Variants in ENOX1 observed in about 807,000 individuals in gnomAD.
ENOX1 encodes the protein candidate growth-related and time keeping constitutive hydroquinone (NADH) oxidase.
Under a neutral mutation model 82.5 loss-of-function variants are expected in ENOX1, and 42 were observed. The ratio of observed to expected loss-of-function variants is 0.51; its 90% CI spans 0.40 to 0.66. ENOX1 has a LOEUF of 0.66. Ranked by LOEUF, ENOX1 falls within the 30% of genes least tolerant of loss-of-function variation. The pLI is 0.00. For synonymous variants in ENOX1, 271 were observed against 282.2 expected (o/e 0.96, Z 0.40); for missense variants, 608 against 811.6 (o/e 0.75, Z 3.05).
intron 2 of ENOX1, among the ~76,000 whole-genome samples, chr13:43,550,721 C>A (rs1234642591): frequency 6.6e-6 from 1 of 152,152 alleles, no homozygotes; most frequent in Non-Finnish European, 1.5e-5. Context: ...TGATAATGTG[C>A]TCAAAAACTA....
chr13:43,228,646 T>C (rs1051574670), intron 15 of ENOX1, among the ~76,000 whole-genome samples: 2 of 152,182 alleles, frequency 1.3e-5, no homozygotes, highest in African/African-American at 4.8e-5. Flanking sequence ...GGATGCAGTA[T>C]TTAAATTAAC....
rs2054154150 is a variant in ENOX1, at chr13:43,411,942, C to T, written c.182G>A (p.Gly61Glu). The T allele has an allele frequency of 1.9e-6, 3 of 1,614,026 alleles. No homozygotes were observed. Among genetic ancestry groups the T allele is most frequent in the African/African-American group, 1.3e-5 (1 of 74,916 alleles). ...AMNNLGMVPV[G>E]LPGQQLVSDS... ...AGACACGAGCTGCTGTCCAGGCAACCCTACGGGAACCATGCCCAGGTTATT... is the reference window on the plus strand; with the variant it reads ...AGACACGAGCTGCTGTCCAGGCAACTCTACGGGAACCATGCCCAGGTTATT... The change falls in exon 5 of 17, where the codon GGG becomes GAG. Residue 61 changes from glycine to glutamate, a missense_variant. By Grantham distance (98) the Gly-to-Glu change is moderately conservative. Transcript: ENST00000690772.
intron 14 of ENOX1, among the ~76,000 whole-genome samples, chr13:43,247,670 C>T (rs9634773): frequency 0.18 from 26,947 of 148,456 alleles, 2,525 homozygotes; most frequent in African/African-American, 0.22. Flanking sequence ...GCCTCTTGCA[C>T]GGTCCCAGTG....
At chr13:43,623,619 A>G (rs185020092) in intron 2 of ENOX1, among the ~76,000 whole-genome samples, 7 of 152,134 alleles carry the variant, frequency 4.6e-5, no homozygotes, top group Admixed American at 3.3e-4. Flanking sequence ...CACTTCCTTC[A>G]GAGGGTGTGT....
At chr13:43,557,941 G>A (rs1184021856) in intron 2 of ENOX1, among the ~76,000 whole-genome samples, 28 of 152,290 alleles carry the variant, frequency 1.8e-4, no homozygotes, top group Non-Finnish European at 1.0e-4. Flanking sequence ...TACTACAACT[G>A]CTATTCTCCC....
chr13:43,331,432 G>A (rs2048402645), intron 9 of ENOX1, among the ~76,000 whole-genome samples: 1 of 152,136 alleles, frequency 6.6e-6, no homozygotes, highest in Non-Finnish European at 1.5e-5. Context: ...TCCAAGCTTA[G>A]TTTTTGTTTT....
rs142445591 is a variant in ENOX1, at chr13:43,754,089, C to T, written c.-285+32563G>A. Among the ~76,000 whole-genome samples, 196 of 115,536 alleles carry T rather than the reference C, an allele frequency of 1.7e-3. 3 individuals carry two copies. Among genetic ancestry groups the T allele is most frequent in the African/African-American group, 7.5e-3 (190 of 25,256 alleles). The allele number at this position is 115,536 out of a possible 152,430, so 75.8% of individuals were successfully genotyped here. On this transcript the variant is annotated intron_variant, in intron 1 of 16. Coordinates refer to ENST00000690772, the MANE Select transcript of ENOX1 (RefSeq NM_001347969.2). ...ATACGTATATAAATACACATATATA[C>T]GTATATATGTATACGTATATGTATA...
intron 10 of ENOX1, among the ~76,000 whole-genome samples, chr13:43,325,748 C>A (rs923198677): frequency 7.2e-5 from 11 of 152,002 alleles, no homozygotes; most frequent in African/African-American, 2.4e-4. Context: ...AGGTTCAAAG[C>A]GTACACTACT....
At chr13:43,297,553 G>A (rs970215194) in intron 12 of ENOX1, among the ~76,000 whole-genome samples, 1 of 152,008 alleles carries the variant, frequency 6.6e-6, no homozygotes, top group African/African-American at 2.4e-5. Flanking sequence ...AGAATATCAG[G>A]TACCAATTGA....
At chr13:43,482,457 A>C (rs1484050721) in intron 3 of ENOX1, among the ~76,000 whole-genome samples, 1 of 152,232 alleles carries the variant, frequency 6.6e-6, no homozygotes, top group African/African-American at 2.4e-5. Flanking sequence ...GTAAAATTGT[A>C]GTTGCCAGAG....
chr13:43,434,544 C>T lies in ENOX1; in HGVS notation c.-74-21556G>A, dbSNP rs562428269. Among the ~76,000 whole-genome samples, 7 of 152,256 alleles carry T rather than the reference C, an allele frequency of 4.6e-5. No individual in the cohort carries two copies. In the South Asian group the frequency reaches 1.2e-3, roughly 27 times the overall value. On this transcript the variant is annotated intron_variant, in intron 3 of 16. Coordinates refer to ENST00000690772, the MANE Select transcript of ENOX1 (RefSeq NM_001347969.2). ...TACAACCACTTGCTCCTCTGAACCC[C>T]AGAGTTCCCCAAGGGTGGTATGTCA...
chr13:43,287,193 GC>G (rs1002347095), intron 12 of ENOX1, among the ~76,000 whole-genome samples: 8 of 152,294 alleles, frequency 5.3e-5, no homozygotes, highest in African/African-American at 1.9e-4. Context: ...ACATGAAGGT[GC>G]TTTTGTGAGT....
At chr13:43,431,708 A>C (rs1372949695) in intron 3 of ENOX1, among the ~76,000 whole-genome samples, 1 of 152,176 alleles carries the variant, frequency 6.6e-6, no homozygotes, top group Non-Finnish European at 1.5e-5. Context: ...TACACACATA[A>C]ATATGTATAA....
intron 9 of ENOX1, among the ~76,000 whole-genome samples, chr13:43,335,768 CAA>C (rs386378967): frequency 1.3e-4 from 15 of 116,874 alleles, no homozygotes; most frequent in Non-Finnish European, 1.1e-4. Flanking sequence ...GGAAGGATAC[CAA>C]AAAAAAAAAA....
chr13:43,778,881 G>C (rs916207253), intron 1 of ENOX1, among the ~76,000 whole-genome samples: 1 of 152,160 alleles, frequency 6.6e-6, no homozygotes, highest in African/African-American at 2.4e-5. Flanking sequence ...CACTCATCTG[G>C]GGAATGGCAG....
At chr13:43,546,648 A>C (rs72623323) in intron 2 of ENOX1, 1 of 152,188 alleles carries the variant, frequency 6.6e-6, no homozygotes, top group Non-Finnish European at 1.5e-5. Context: ...TATGCTCCTC[A>C]CACCCCCAGC....
At chr13:43,337,588 T>C (rs1338816739) in intron 9 of ENOX1, among the ~76,000 whole-genome samples, 1 of 152,172 alleles carries the variant, frequency 6.6e-6, no homozygotes, top group Non-Finnish European at 1.5e-5. Flanking sequence ...CAAGCAAATG[T>C]GTGGAGGTAG....
At chr13:43,476,966 A>G (rs2058309004) in intron 3 of ENOX1, among the ~76,000 whole-genome samples, 1 of 152,106 alleles carries the variant, frequency 6.6e-6, no homozygotes, top group Non-Finnish European at 1.5e-5. Flanking sequence ...GAAAGTGAAC[A>G]TACTTCATTT....
At chr13:43,782,312 A>G (rs1594783403) in intron 1 of ENOX1, among the ~76,000 whole-genome samples, 1 of 152,208 alleles carries the variant, frequency 6.6e-6, no homozygotes, top group South Asian at 2.1e-4. Context: ...GAAAATTTTA[A>G]GAAACATAAC....
Sources: allele counts gnomAD v4.1 joint callset (sites outside exome capture counted in the v4.1 genomes callset), GRCh38; gene constraint gnomAD v4.1.1; transcripts MANE v1.5; gene names NCBI Gene and HGNC (gene_info 2026-07-23, HGNC 2026-07-21).